GSAP: variants seen among roughly 807,000 people sequenced by gnomAD.
GSAP encodes the protein gamma-secretase-activating protein.
Under a neutral mutation model 131.7 loss-of-function variants are expected in GSAP, and 118 were observed. The ratio of observed to expected loss-of-function variants is 0.90; its 90% CI spans 0.77 to 1.04. The LOEUF (loss-of-function observed/expected upper bound fraction) is 1.04, where lower values mean the gene tolerates loss of function less well. Ranked by LOEUF, GSAP falls within the 50% of genes least tolerant of loss-of-function variation. GSAP has a pLI of 0.00. For missense variants in GSAP, 1,019 were observed against 1,013.2 expected (o/e 1.01, Z -0.08); for synonymous variants, 381 against 363.4 (o/e 1.05, Z -0.55).
At chr7:77,328,360 C>A (rs11977955) in intron 22 of GSAP, 1 of 1,251,724 alleles carries the variant, frequency 8.0e-7, no homozygotes, top group Non-Finnish European at 1.0e-6. Context: ...TAAGGAGAAC[C>A]GCAAGGCCAT....
At chr7:77,328,390 C>T (rs1277775346) in intron 22 of GSAP, 1 of 1,282,376 alleles carries the variant, frequency 7.8e-7, no homozygotes, top group South Asian at 2.7e-5. Context: ...ACTCCCATCG[C>T]AAAAGCACAT....
Position 77,369,902 on chromosome 7 carries a change from G to GT in GSAP, c.871+4167dup, listed in dbSNP as rs143719510. Among the ~76,000 whole-genome samples, 2 of 151,444 alleles carry GT rather than the reference G, an allele frequency of 1.3e-5. 1 individual carries two copies. Among genetic ancestry groups the GT allele is most frequent in the Admixed American group, 1.3e-4 (2 of 15,236 alleles). On this transcript the variant is annotated intron_variant, in intron 12 of 30. Transcript: ENST00000257626. ...TCTGGAAGCATCTCATTTGAAACAC[G>GT]TTTTTTTATTTTTTCAAAGCTGATT...
intron 5 of GSAP, 66 bp downstream of exon 5, chr7:77,396,916 G>GTA: frequency 1.3e-6 from 1 of 774,760 alleles, no homozygotes; most frequent in Non-Finnish European, 2.1e-6. Context: ...TGATTTGGTA[G>GTA]TATAATAAAT....
intron 8 of GSAP, 120 bp from the exon 9 acceptor site, chr7:77,377,510 G>C: frequency 8.1e-7 from 1 of 1,231,538 alleles, no homozygotes; most frequent in South Asian, 2.1e-5. Flanking sequence ...TATTTCCACA[G>C]TTCACTGTTA....
rs1291528482 is a variant in GSAP at position 77,355,787 on chromosome 7, G to GTTTTTTGT, written c.1028-141_1028-140insACAAAAAA. ...GTAATAAGCTATCTAATGACAGCCCGTTTTTTTTTTTTTTTTTTTAAGACA... is the reference window on the plus strand; with the variant it reads ...GTAATAAGCTATCTAATGACAGCCCGTTTTTTGTTTTTTTTTTTTTTTTTTTTAAGACA... On this transcript the variant is annotated intron_variant, in intron 14 of 30. Transcript: ENST00000257626. The GTTTTTTGT allele has an allele frequency of 4.4e-5, 13 of 294,570 alleles. No homozygotes were observed. In the East Asian group the frequency reaches 5.8e-4, roughly 13 times the overall value. 18.2% of individuals were successfully genotyped at this position (294,570 alleles called of 1,614,324 possible).
At chr7:77,375,995 TCCA>T (rs1796795879) in intron 10 of GSAP, among the ~76,000 whole-genome samples, 1 of 152,194 alleles carries the variant, frequency 6.6e-6, no homozygotes, top group African/African-American at 2.4e-5. Flanking sequence ...GAAGTTTTTT[TCCA>T]CTGATAGAAC....
chr7:77,383,572 A>G (rs1584639525), intron 6 of GSAP, among the ~76,000 whole-genome samples: 1 of 152,212 alleles, frequency 6.6e-6, no homozygotes, highest in East Asian at 1.9e-4. Flanking sequence ...AATCCACCCC[A>G]TTCCTCCTTC....
chr7:77,406,403 T>G (rs1418036139), intron 1 of GSAP, among the ~76,000 whole-genome samples: 3 of 152,190 alleles, frequency 2.0e-5, no homozygotes, highest in African/African-American at 7.2e-5. Flanking sequence ...TATACACTCT[T>G]TTCTGTGTGA....
chr7:77,396,932 A>G, intron 5 of GSAP, 50 bp downstream of exon 5: 1 of 965,034 alleles, frequency 1.0e-6, no homozygotes, highest in East Asian at 2.5e-5. Flanking sequence ...TAAATCATCT[A>G]CCAATAACCT....
At chr7:77,349,235 G>C in intron 19 of GSAP, 116 bp downstream of exon 19, 1 of 759,636 alleles carries the variant, frequency 1.3e-6, no homozygotes, top group Non-Finnish European at 2.3e-6. Flanking sequence ...CCACCCTACT[G>C]CCTTGCCCTC....
chr7:77,369,870 TCTTAA>T (rs1795855841), intron 12 of GSAP, among the ~76,000 whole-genome samples: 1 of 151,842 alleles, frequency 6.6e-6, no homozygotes, highest in African/African-American at 2.4e-5. Context: ...GCTTGTTTCA[TCTTAA>T]ATCTGGAAGC....
At chr7:77,328,947 G>A (rs562674959) in intron 21 of GSAP, among the ~76,000 whole-genome samples, 2 of 151,798 alleles carry the variant, frequency 1.3e-5, no homozygotes, top group African/African-American at 2.4e-5. Flanking sequence ...AGTACTCTGA[G>A]ATGACTCATA....
At chr7:77,364,500 C>T (rs1171797731) in intron 12 of GSAP, among the ~76,000 whole-genome samples, 8 of 125,134 alleles carry the variant, frequency 6.4e-5, no homozygotes, top group African/African-American at 1.3e-4. Context: ...GGAAGGGGAA[C>T]ATCACACTCT....
chr7:77,353,695 A>T (rs979831251), intron 16 of GSAP, 54 bp from the exon 17 acceptor site: 8 of 1,052,802 alleles, frequency 7.6e-6, no homozygotes, highest in Non-Finnish European at 1.2e-5. Flanking sequence ...CTCTGCCTCC[A>T]CTACCAAAGA....
At chr7:77,398,549 T>C (rs1304587967) in intron 3 of GSAP, among the ~76,000 whole-genome samples, 2 of 152,148 alleles carry the variant, frequency 1.3e-5, no homozygotes, top group African/African-American at 4.8e-5. Context: ...ATTCAAACAC[T>C]ATCAAATAAA....
At chr7:77,368,020 TTTTA>T (rs1308261565) in intron 12 of GSAP, among the ~76,000 whole-genome samples, 2 of 152,168 alleles carry the variant, frequency 1.3e-5, no homozygotes, top group Non-Finnish European at 2.9e-5. Context: ...TGATGATTAT[TTTTA>T]TTTCTGTGAG....
chr7:77,338,737 C>T (rs751956335), intron 19 of GSAP, among the ~76,000 whole-genome samples: 23 of 152,212 alleles, frequency 1.5e-4, no homozygotes, highest in Non-Finnish European at 4.4e-5. Context: ...AAAGGCACCA[C>T]CACCTAAAAC....
At chr7:77,358,177 C>CA (rs1267580082) in intron 14 of GSAP, among the ~76,000 whole-genome samples, 1 of 152,102 alleles carries the variant, frequency 6.6e-6, no homozygotes, top group Non-Finnish European at 1.5e-5. Context: ...CCCATCTCTA[C>CA]AAAAAATATA....
At chr7:77,372,947 G>T (rs1223418108) in intron 12 of GSAP, among the ~76,000 whole-genome samples, 2 of 152,118 alleles carry the variant, frequency 1.3e-5, no homozygotes, top group Non-Finnish European at 2.9e-5. Flanking sequence ...CCCTAGGACT[G>T]GTGTATGAAG....
Sources: allele counts gnomAD v4.1 joint callset (sites outside exome capture counted in the v4.1 genomes callset), GRCh38; gene constraint gnomAD v4.1.1; transcripts MANE v1.5; gene names NCBI Gene and HGNC (gene_info 2026-07-23, HGNC 2026-07-21).